The following PCED1B variants were observed in gnomAD, a reference collection of about 807,000 sequenced individuals.
PCED1B encodes PC-esterase domain containing 1B.
For synonymous variants in PCED1B, 251 were observed against 246.1 expected, an observed-to-expected ratio of 1.02 and a Z score of -0.19; for missense variants, 573 against 573.9, an observed-to-expected ratio of 1.00 and a Z score of 0.02.
intron 2 of PCED1B, among the ~76,000 whole-genome samples, chr12:47,185,320 C>A (rs572932057): frequency 6.6e-6 from 1 of 152,202 alleles, no homozygotes; most frequent in Non-Finnish European, 1.5e-5. Flanking sequence ...AAGAAGAGAA[C>A]GCTATGTGAA....
chr12:47,193,619 A>G (rs952800683), intron 2 of PCED1B, among the ~76,000 whole-genome samples: 1 of 152,216 alleles, frequency 6.6e-6, no homozygotes, highest in Non-Finnish European at 1.5e-5. Context: ...CTCAGAGACA[A>G]AGATATACTT....
intron 1 of PCED1B, among the ~76,000 whole-genome samples, chr12:47,092,350 C>G (rs1366560005): frequency 6.6e-6 from 1 of 151,916 alleles, no homozygotes; most frequent in Non-Finnish European, 1.5e-5. Flanking sequence ...ACAAATGCAA[C>G]TAGTTTTTAT....
intron 1 of PCED1B, among the ~76,000 whole-genome samples, chr12:47,089,452 A>G (rs1445615545): frequency 1.9e-5 from 2 of 105,710 alleles, no homozygotes; most frequent in Non-Finnish European, 3.7e-5. Context: ...ATCTCAAAAA[A>G]AAAAAATACA....
At chr12:47,100,287 T>C (rs545592106) in intron 1 of PCED1B, among the ~76,000 whole-genome samples, 2 of 152,336 alleles carry the variant, frequency 1.3e-5, no homozygotes, top group African/African-American at 4.8e-5. Context: ...TATCATATTA[T>C]GTTCTTGTCT....
chr12:47,088,837 CAA>C (rs943112433), intron 1 of PCED1B, among the ~76,000 whole-genome samples: 81 of 152,272 alleles, frequency 5.3e-4, no homozygotes, highest in African/African-American at 1.9e-3. Flanking sequence ...ATATTTATCT[CAA>C]AGTAAAATTT....
At chr12:47,162,841 T>A (rs1949861) in intron 2 of PCED1B, among the ~76,000 whole-genome samples, 5,842 of 152,352 alleles carry the variant, frequency 0.038, 123 homozygotes, top group Middle Eastern at 0.078. Flanking sequence ...ACATGAGATT[T>A]GCAAGGGACA....
intron 2 of PCED1B, among the ~76,000 whole-genome samples, chr12:47,214,652 A>T (rs532383297): frequency 6.6e-6 from 1 of 152,204 alleles, no homozygotes; most frequent in Non-Finnish European, 1.5e-5. Context: ...AATTCAAAAA[A>T]AAAGAAAAGA....
chr12:47,127,830 T>A (rs746856896), intron 2 of PCED1B, among the ~76,000 whole-genome samples: 9 of 152,354 alleles, frequency 5.9e-5, no homozygotes, highest in Non-Finnish European at 8.8e-5. Flanking sequence ...TGTTGTTGGA[T>A]GGAGTGTTCC....
intron 2 of PCED1B, among the ~76,000 whole-genome samples, chr12:47,164,875 C>G (rs139177483): frequency 3.7e-3 from 558 of 152,336 alleles, no homozygotes; most frequent in African/African-American, 0.013. Context: ...CTAGTTGAGT[C>G]ACAATGAATT....
Position 47,218,669 on chromosome 12 carries a change from CTTTTTTTT to C in PCED1B, c.-58+1991_-58+1998del, listed in dbSNP as rs59140565. 2.3e-5 allele frequency among the ~76,000 whole-genome samples: 3 copies of C among 128,404 alleles called. No individual in the cohort carries two copies. In the South Asian group the frequency reaches 7.5e-4, roughly 32 times the overall value. 84.2% of individuals were successfully genotyped at this position (128,404 alleles called of 152,430 possible). A position where few individuals can be genotyped will look rare whatever the true frequency, so the allele number is the denominator to read the frequency against. ...ATCCTGATCATTTTTAATTTTTTTTCTTTTTTTTTTTTTTTTTTAGAGACAGAGGTGTA... is the reference window on the plus strand; with the variant it reads ...ATCCTGATCATTTTTAATTTTTTTTCTTTTTTTTTTAGAGACAGAGGTGTA... On this transcript the variant is annotated intron_variant, in intron 3 of 3. Coordinates refer to ENST00000546455, the MANE Select transcript of PCED1B (RefSeq NM_138371.3).
intron 1 of PCED1B, among the ~76,000 whole-genome samples, chr12:47,097,432 G>A (rs938851939): frequency 2.6e-5 from 4 of 152,118 alleles, no homozygotes; most frequent in African/African-American, 9.7e-5. Flanking sequence ...TTAAAGCCAC[G>A]CCTAAGGGAA....
At chr12:47,224,327 A>G (rs1004564537) in intron 3 of PCED1B, among the ~76,000 whole-genome samples, 11 of 152,240 alleles carry the variant, frequency 7.2e-5, no homozygotes, top group Non-Finnish European at 1.3e-4. Flanking sequence ...CACTTCATTC[A>G]TAAAAATGCT....
At chr12:47,221,297 A>T (rs758972261) in intron 3 of PCED1B, among the ~76,000 whole-genome samples, 1 of 151,664 alleles carries the variant, frequency 6.6e-6, no homozygotes, top group South Asian at 2.1e-4. Flanking sequence ...ATATCTTCAA[A>T]ATATATATAT....
At chr12:47,162,781 C>T (rs148773452) in intron 2 of PCED1B, among the ~76,000 whole-genome samples, 3 of 152,242 alleles carry the variant, frequency 2.0e-5, no homozygotes, top group Non-Finnish European at 4.4e-5. Context: ...CGACCATGAC[C>T]CTAATACCTT....
intron 2 of PCED1B, among the ~76,000 whole-genome samples, chr12:47,201,058 C>T (rs988610036): frequency 2.0e-5 from 3 of 152,064 alleles, no homozygotes; most frequent in Admixed American, 1.3e-4. Context: ...ATTTAGCCGG[C>T]GGCCAAGAGA....
chr12:47,206,561 C>T (rs1015313926), intron 2 of PCED1B: 2 of 152,238 alleles, frequency 1.3e-5, no homozygotes, highest in African/African-American at 2.4e-5. Context: ...TGCTCCACCT[C>T]CTGCCTCCTT....
intron 2 of PCED1B, among the ~76,000 whole-genome samples, chr12:47,207,890 T>C (rs968588563): frequency 5.9e-5 from 9 of 152,224 alleles, no homozygotes; most frequent in Admixed American, 5.2e-4. Flanking sequence ...ACTAAGCATA[T>C]GACAGGCAGA....
At chr12:47,129,526 C>T (rs1160062684) in intron 2 of PCED1B, among the ~76,000 whole-genome samples, 1 of 151,916 alleles carries the variant, frequency 6.6e-6, no homozygotes. Flanking sequence ...AAAATATTCC[C>T]CACAGAGAGT....
Position 47,235,199 on chromosome 12 carries a change from G to C in PCED1B, c.136G>C (p.Gly46Arg). The C allele has an allele frequency of 6.2e-7, 1 of 1,603,028 alleles. No homozygotes were observed. Among genetic ancestry groups the C allele is most frequent in the Non-Finnish European group, 8.5e-7 (1 of 1,174,134 alleles). The change falls in exon 4 of 4, where the codon GGG becomes CGG. Residue 46 changes from glycine (G) to arginine (R), a missense_variant. By Grantham distance (125) the Gly-to-Arg change is moderately radical. Transcript: ENST00000546455. The part of the protein sequence containing the change: ...LLQKDRLLTP[G>R]QLRARGELNF... ...GCAGAAGGACCGCCTGCTCACTCCC[G>C]GGCAGCTTAGAGCAAGGGGGGAGCT...
Sources: gnomAD v4.1 joint callset for allele counts (sites outside exome capture counted in the v4.1 genomes callset) on GRCh38, gnomAD v4.1.1 for gene constraint, MANE v1.5 for transcripts, NCBI Gene and HGNC (gene_info 2026-07-23, HGNC 2026-07-21) for gene names.